DIP2C: variants seen among roughly 807,000 people sequenced by gnomAD.
DIP2C encodes the protein DIP2 acetate--CoA ligase C (putative).
A neutral mutation model predicts 192.4 loss-of-function variants in DIP2C; 33 were observed. The observed-to-expected ratio is 0.17, with a 90% CI of 0.13 to 0.23. The LOEUF is 0.23. DIP2C is among the 10% of genes least tolerant of loss of function. The pLI is 1.00. For missense variants in DIP2C, 1,537 were observed against 2,110.1 expected, an observed-to-expected ratio of 0.73 and a Z score of 5.32; for synonymous variants, 979 against 864.1, an observed-to-expected ratio of 1.13 and a Z score of -2.33.
chr10:381,333 G>C (rs1027369578), intron 17 of DIP2C, among the ~76,000 whole-genome samples: 6 of 152,202 alleles, frequency 3.9e-5, no homozygotes, highest in African/African-American at 1.4e-4. Context: ...CCGGCATGGG[G>C]ACACTGCGGG....
intron 24 of DIP2C, among the ~76,000 whole-genome samples, chr10:355,100 G>C (rs138895800): frequency 6.6e-6 from 1 of 152,086 alleles, no homozygotes; most frequent in Non-Finnish European, 1.5e-5. Flanking sequence ...CAAGATCTCC[G>C]GCCCCCACAC....
At chr10:487,563 GAGTGTTTTTTTTTTT>G (rs1844103746) in intron 1 of DIP2C, among the ~76,000 whole-genome samples, 1 of 112,368 alleles carries the variant, frequency 8.9e-6, no homozygotes, top group East Asian at 3.1e-4. Context: ...GCCCATCAAT[GAGTGTTTTTTTTTTT>G]TTTTTTTTTT....
chr10:573,755 T>A (rs1202942175), intron 1 of DIP2C, among the ~76,000 whole-genome samples: 1 of 152,098 alleles, frequency 6.6e-6, no homozygotes, highest in Non-Finnish European at 1.5e-5. Context: ...TTCAGAGTCT[T>A]GTAGGTACTT....
intron 1 of DIP2C, among the ~76,000 whole-genome samples, chr10:494,279 C>T (rs189887260): frequency 3.0e-4 from 45 of 152,290 alleles, no homozygotes; most frequent in African/African-American, 1.1e-3. Flanking sequence ...AGTCCTAAAC[C>T]CCAGGAGGAG....
intron 16 of DIP2C, 37 bp from the exon 17 acceptor site, chr10:382,798 G>A (rs1407577848): frequency 7.0e-7 from 1 of 1,437,796 alleles, no homozygotes; most frequent in East Asian, 2.3e-5. Flanking sequence ...GACAGCTGAA[G>A]CACTGTGATT....
intron 19 of DIP2C, among the ~76,000 whole-genome samples, chr10:365,930 C>CT (rs1431079042): frequency 1.3e-5 from 2 of 152,272 alleles, no homozygotes; most frequent in Non-Finnish European, 2.9e-5. Flanking sequence ...GGCCAAGGGG[C>CT]TGTAAAGGGG....
rs56000929 is a variant in DIP2C, at chr10:636,521, C to G, written c.85+52973G>C. Among the ~76,000 whole-genome samples the G allele has an allele frequency of 6.6e-6, 1 of 152,314 alleles. No individual in the cohort carries two copies. The highest frequency in any genetic ancestry group is 1.5e-5 in the Non-Finnish European group (1 of 68,036). On this transcript the variant is annotated intron_variant, in intron 1 of 36. Transcript: ENST00000280886. This position sits in a 1 kb window ranked among gnomAD's most constrained non-coding sequence, Gnocchi z 4.6. Reference sequence around the variant, plus strand: ...CGCCGAGTCCTCACGCACGCGTTCCCTAAGAATAAAGGACCCTCTGCAGCC... The same window carrying G: ...CGCCGAGTCCTCACGCACGCGTTCCGTAAGAATAAAGGACCCTCTGCAGCC...
At chr10:517,710 T>C (rs1024899223) in intron 1 of DIP2C, among the ~76,000 whole-genome samples, 12 of 152,198 alleles carry the variant, frequency 7.9e-5, no homozygotes, top group Admixed American at 7.9e-4. Flanking sequence ...AGCAGAAAGA[T>C]GGTCCCTTTG....
chr10:448,836 TCA>T (rs1968583570), intron 3 of DIP2C, among the ~76,000 whole-genome samples: 1 of 125,156 alleles, frequency 8.0e-6, no homozygotes. Context: ...ATACTCAGGA[TCA>T]CACACAGTGG....
chr10:449,854 A>G (rs1968701442), intron 3 of DIP2C, among the ~76,000 whole-genome samples: 1 of 151,948 alleles, frequency 6.6e-6, no homozygotes, highest in Non-Finnish European at 1.5e-5. Context: ...TAAACTATTA[A>G]TAAAAACACA....
At chr10:662,096 A>G in intron 1 of DIP2C, 1 of 717,486 alleles carries the variant, frequency 1.4e-6, no homozygotes. Flanking sequence ...CGAAGCCCTC[A>G]GTGGCTTCCT....
At position 678,916 on chromosome 10, in the gene DIP2C, A is replaced by C. The variant is rs182309519; in HGVS notation, c.85+10578T>G. Among the ~76,000 whole-genome samples, 4 of 910 alleles carry C rather than the reference A, an allele frequency of 4.4e-3. 1 individual carries two copies. Among genetic ancestry groups the C allele is most frequent in the Non-Finnish European group, 0.017 (2 of 118 alleles). 0.6% of individuals were successfully genotyped at this position (910 alleles called of 152,430 possible). On this transcript the variant is annotated intron_variant, in intron 1 of 36. Transcript: ENST00000280886. ...CCCCCCACCCATGCTCCCCGCGCCC[A>C]TGCTCCCCGCACCCATGCTCCCCAC... is the stretch of plus-strand genomic sequence containing the variant.
intron 2 of DIP2C, among the ~76,000 whole-genome samples, chr10:476,282 C>T (rs900833310): frequency 6.6e-6 from 1 of 152,186 alleles, no homozygotes; most frequent in African/African-American, 2.4e-5. Context: ...GCATTGGCCA[C>T]GTGAGGCACC....
At chr10:369,901 C>A in intron 17 of DIP2C, 3 of 1,358,942 alleles carry the variant, frequency 2.2e-6, no homozygotes, top group Middle Eastern at 2.8e-4. Flanking sequence ...CTCCTGCCCC[C>A]TCTATGCAGG....
rs541008513 is a variant in DIP2C at position 487,776 on chromosome 10, A to G, written c.86-1246T>C. 1.3e-4 allele frequency among the ~76,000 whole-genome samples: 20 copies of G among 151,928 alleles called. 1 individual carries two copies. Among genetic ancestry groups the G allele is most frequent in the Non-Finnish European group, 1.2e-4 (8 of 67,952 alleles). ...GTATTTTTAGTAGAGACAGGGTTTC[A>G]CCATGTTAGCCAGGATGATCTCCAT... On this transcript the variant is annotated intron_variant, in intron 1 of 36. Transcript: ENST00000280886.
intron 4 of DIP2C, among the ~76,000 whole-genome samples, chr10:433,036 C>T (rs906126968): frequency 6.6e-6 from 1 of 152,080 alleles, no homozygotes; most frequent in South Asian, 2.1e-4. Flanking sequence ...TGGACCAAAA[C>T]GTGGTATATC....
At position 423,032 on chromosome 10, in the gene DIP2C, A is replaced by T. The variant is rs1966312284; in HGVS notation, c.396T>A (p.Asp132Glu). ...CTTCATCTTCTGAGCCAGAAGAGGTATCTGTGTAAGAAGAAAGGTGATTTG... is the reference window on the plus strand; with the variant it reads ...CTTCATCTTCTGAGCCAGAAGAGGTTTCTGTGTAAGAAGAAAGGTGATTTG... ...QTSMDAYTPPDTSSGSEDEGS... is the reference protein window; with the variant it reads ...QTSMDAYTPPETSSGSEDEGS... The change falls in exon 5 of 37, where the codon GAT (aspartate) becomes GAA (glutamate). Residue 132 changes from aspartate (D) to glutamate (E), a missense_variant and splice_region_variant. Transcript: ENST00000280886. 2 of 1,605,712 alleles carry T rather than the reference A, an allele frequency of 1.2e-6. No individual in the cohort carries two copies. The highest frequency in any genetic ancestry group is 8.5e-7 in the Non-Finnish European group (1 of 1,174,854).
chr10:278,381 T>C (rs1365670737), intron 36 of DIP2C, among the ~76,000 whole-genome samples: 1 of 152,236 alleles, frequency 6.6e-6, no homozygotes, highest in Non-Finnish European at 1.5e-5. Context: ...GGGAGATGAA[T>C]GCCGGTGGAG....
At chr10:338,146 G>C (rs1037046155) in intron 29 of DIP2C, among the ~76,000 whole-genome samples, 2 of 152,236 alleles carry the variant, frequency 1.3e-5, no homozygotes, top group Non-Finnish European at 1.5e-5. Context: ...ATGTGTTTGT[G>C]TTATAAGCTA....
Sources: allele counts gnomAD v4.1 joint callset (sites outside exome capture counted in the v4.1 genomes callset), GRCh38; gene constraint gnomAD v4.1.1; non-coding constraint Gnocchi (gnomAD v3.1); transcripts MANE v1.5; gene names NCBI Gene and HGNC (gene_info 2026-07-23, HGNC 2026-07-21).